FARS2: variants seen among roughly 807,000 people sequenced by gnomAD.
FARS2 encodes the protein phenylalanyl-tRNA synthetase 2, mitochondrial.
A neutral mutation model predicts 46.4 loss-of-function variants in FARS2; 40 were observed. The ratio of observed to expected loss-of-function variants is 0.86; its 90% CI spans 0.67 to 1.12. The LOEUF (loss-of-function observed/expected upper bound fraction) is 1.12, where lower values mean the gene tolerates loss of function less well. Among genes scored for constraint, FARS2 ranks in the 50% most tolerant of loss-of-function variants. The pLI is 0.00. For synonymous variants in FARS2, 234 were observed against 214.9 expected, an observed-to-expected ratio of 1.09 and a Z score of -0.78; for missense variants, 513 against 567.9, an observed-to-expected ratio of 0.90 and a Z score of 0.98.
At chr6:5,569,397 C>T (rs1482380773) in intron 5 of FARS2, among the ~76,000 whole-genome samples, 4 of 151,972 alleles carry the variant, frequency 2.6e-5, no homozygotes, top group Non-Finnish European at 5.9e-5. Context: ...CCCCCATGCC[C>T]GGCTAATTTT....
Position 5,425,539 on chromosome 6 carries a change from A to T in FARS2, c.773-5502A>T, listed in dbSNP as rs9378947. Among the ~76,000 whole-genome samples, 7 of 152,054 alleles carry T rather than the reference A, an allele frequency of 4.6e-5. No homozygotes were observed. In the South Asian group the frequency reaches 8.3e-4, roughly 18 times the overall value. On this transcript the variant is annotated intron_variant, in intron 3 of 6. Transcript: ENST00000274680. ...CACACACACACACACCCGCCCTGCAAGTGTCCCTGGCTGGTCTTGCCAAAG... is the reference window on the plus strand; with the variant it reads ...CACACACACACACACCCGCCCTGCATGTGTCCCTGGCTGGTCTTGCCAAAG...
At chr6:5,394,150 A>G (rs972152835) in intron 2 of FARS2, among the ~76,000 whole-genome samples, 4 of 152,264 alleles carry the variant, frequency 2.6e-5, no homozygotes, top group Non-Finnish European at 5.9e-5. Context: ...AAATAAATGT[A>G]TGTGTGTATA....
rs114537203 is a variant in FARS2 at position 5,396,716 on chromosome 6, A to T, written c.613-7826A>T. 4.8e-3 allele frequency among the ~76,000 whole-genome samples: 727 copies of T among 152,320 alleles called. 7 individuals carry two copies. The highest frequency in any genetic ancestry group is 0.018 in the East Asian group (93 of 5,188). ...CGCCAGGAGCAGTGAGCTGACATGA[A>T]GCGTGTGGAGGTGCTACAGCTGCTG... On this transcript the variant is annotated intron_variant, in intron 2 of 6. Coordinates refer to ENST00000274680, the MANE Select transcript of FARS2 (RefSeq NM_006567.5).
At chr6:5,275,010 T>A (rs2875979) in intron 1 of FARS2, among the ~76,000 whole-genome samples, 44,134 of 152,198 alleles carry the variant, frequency 0.29, 7,424 homozygotes, top group African/African-American at 0.45. Context: ...AGCCTGGCCC[T>A]ACATATTTCA....
At chr6:5,332,776 G>A (rs1017730499) in intron 1 of FARS2, among the ~76,000 whole-genome samples, 4 of 152,194 alleles carry the variant, frequency 2.6e-5, no homozygotes, top group Non-Finnish European at 4.4e-5. Flanking sequence ...GTGCCCAGGG[G>A]GTTAGTGATG....
At chr6:5,650,702 C>G (rs967608681) in intron 6 of FARS2, among the ~76,000 whole-genome samples, 1 of 152,172 alleles carries the variant, frequency 6.6e-6, no homozygotes, top group Non-Finnish European at 1.5e-5. Context: ...TGGTCTCGAT[C>G]TCCTCACCTC....
intron 6 of FARS2, among the ~76,000 whole-genome samples, chr6:5,730,830 A>G (rs755586287): frequency 6.6e-6 from 1 of 152,190 alleles, no homozygotes; most frequent in Non-Finnish European, 1.5e-5. Flanking sequence ...TGTTTCAAGC[A>G]CTGTTCTGAG....
chr6:5,478,371 T>G (rs1340576741), intron 4 of FARS2, among the ~76,000 whole-genome samples: 1 of 152,230 alleles, frequency 6.6e-6, no homozygotes, highest in African/African-American at 2.4e-5. Flanking sequence ...CAGATTATTT[T>G]CTTACTATCT....
intron 5 of FARS2, among the ~76,000 whole-genome samples, chr6:5,563,092 G>T (rs908787128): frequency 6.6e-6 from 1 of 152,056 alleles, no homozygotes; most frequent in East Asian, 1.9e-4. Context: ...AGAGGGAGGG[G>T]GGCTCCAAAG....
chr6:5,653,845 G>C (rs1166487980), intron 6 of FARS2, among the ~76,000 whole-genome samples: 1 of 151,942 alleles, frequency 6.6e-6, no homozygotes, highest in East Asian at 1.9e-4. Context: ...AGAAGGGCAG[G>C]CTGCATCTTC....
At chr6:5,254,891 G>A in the FARS2 span, among the ~76,000 whole-genome samples, 1 of 152,072 alleles carries the variant, frequency 6.6e-6, no homozygotes, top group Non-Finnish European at 1.5e-5. Flanking sequence ...AAATTCCGGT[G>A]GGAGGTGGAG....
At chr6:5,532,777 T>TAAGAAGAAGAAGAAG (rs573860204) in intron 4 of FARS2, among the ~76,000 whole-genome samples, 134 of 143,452 alleles carry the variant, frequency 9.3e-4, no homozygotes, top group African/African-American at 3.7e-3. Context: ...ATAATAATAA[T>TAAGAAGAAGAAGAAG]AATAATAAGA....
At chr6:5,429,743 G>A (rs1408104516) in intron 3 of FARS2, among the ~76,000 whole-genome samples, 1 of 152,170 alleles carries the variant, frequency 6.6e-6, no homozygotes, top group Admixed American at 6.5e-5. Context: ...CCAGGAGTTT[G>A]CAGTTACAAT....
At chr6:5,484,619 C>A (rs1279695382) in intron 4 of FARS2, among the ~76,000 whole-genome samples, 1 of 152,204 alleles carries the variant, frequency 6.6e-6, no homozygotes, top group African/African-American at 2.4e-5. Flanking sequence ...TGAAGTCTCA[C>A]GTGTAACCTC....
At chr6:5,621,940 A>T (rs145926146) in intron 6 of FARS2, among the ~76,000 whole-genome samples, 76 of 152,288 alleles carry the variant, frequency 5.0e-4, no homozygotes, top group Non-Finnish European at 9.0e-4. Context: ...CACCATACAC[A>T]CATTAACATC....
chr6:5,689,132 T>C (rs1757483710), intron 6 of FARS2, among the ~76,000 whole-genome samples: 1 of 152,258 alleles, frequency 6.6e-6, no homozygotes, highest in South Asian at 2.1e-4. Context: ...CTCAATTTTG[T>C]TGATCTTTTC....
intron 4 of FARS2, among the ~76,000 whole-genome samples, chr6:5,532,440 A>T (rs1174775366): frequency 6.6e-6 from 1 of 152,200 alleles, no homozygotes; most frequent in Non-Finnish European, 1.5e-5. Context: ...GTTCTTTGTC[A>T]TTGGTGAAGT....
At chr6:5,323,659 G>A (rs926405135) in intron 1 of FARS2, among the ~76,000 whole-genome samples, 1 of 152,182 alleles carries the variant, frequency 6.6e-6, no homozygotes, top group African/African-American at 2.4e-5. Context: ...AGTGGCGGAA[G>A]GACTCATTCC....
intron 4 of FARS2, among the ~76,000 whole-genome samples, chr6:5,507,354 A>G (rs1768159048): frequency 6.7e-6 from 1 of 149,954 alleles, no homozygotes; most frequent in African/African-American, 2.5e-5. Flanking sequence ...TCTTCTACAT[A>G]CGTTTTACTT....
Sources: allele counts gnomAD v4.1 joint callset (sites outside exome capture counted in the v4.1 genomes callset), GRCh38; gene constraint gnomAD v4.1.1; transcripts MANE v1.5; gene names NCBI Gene and HGNC (gene_info 2026-07-23, HGNC 2026-07-21).